The following CRPPA variants were observed in gnomAD, a reference collection of about 807,000 sequenced individuals.
CRPPA encodes the protein CDP-L-ribitol pyrophosphorylase A.
Under a neutral mutation model 52.0 loss-of-function variants are expected in CRPPA, and 43 were observed. The observed-to-expected ratio is 0.83, with a 90% CI of 0.65 to 1.07. The LOEUF is 1.07. CRPPA is among the 50% of genes least tolerant of loss of function. CRPPA has a pLI of 0.00. For synonymous variants in CRPPA, 250 were observed against 203.5 expected, an observed-to-expected ratio of 1.23 and a Z score of -1.94; for missense variants, 629 against 551.7, an observed-to-expected ratio of 1.14 and a Z score of -1.40.
At chr7:16,256,471 T>C (rs1305418736) in intron 8 of CRPPA, among the ~76,000 whole-genome samples, 1 of 152,156 alleles carries the variant, frequency 6.6e-6, no homozygotes, top group Non-Finnish European at 1.5e-5. Context: ...CACGTATGTT[T>C]ATTGCAGCTC....
At chr7:16,283,789 T>C (rs1340094354) in intron 5 of CRPPA, among the ~76,000 whole-genome samples, 1 of 151,936 alleles carries the variant, frequency 6.6e-6, no homozygotes, top group Non-Finnish European at 1.5e-5. Context: ...AATACTACTC[T>C]TATCTGCATG....
At chr7:16,309,240 G>C (rs950989849) in intron 3 of CRPPA, among the ~76,000 whole-genome samples, 2 of 152,124 alleles carry the variant, frequency 1.3e-5, no homozygotes. Flanking sequence ...AAATAACCAA[G>C]TAATAATACA....
rs181176630 is a variant in CRPPA, at chr7:16,416,489, C to T, written c.257+4577G>A. Among the ~76,000 whole-genome samples the T allele has an allele frequency of 3.7e-3, 564 of 152,200 alleles. 3 individuals are homozygous for T. Among genetic ancestry groups the T allele is most frequent in the African/African-American group, 0.013 (548 of 41,518 alleles). ...GAATTTCTGACTAAGTCCTCAAAAG[C>T]AATTCCAACAAAAACAAAAATTGAC... On this transcript the variant is annotated intron_variant, in intron 1 of 9. Transcript: ENST00000407010.
intron 8 of CRPPA, among the ~76,000 whole-genome samples, chr7:16,228,178 A>G (rs940883845): frequency 2.0e-5 from 3 of 151,826 alleles, no homozygotes; most frequent in African/African-American, 4.8e-5. Context: ...GATTCCCTCC[A>G]GCTTTGTTCT....
chr7:16,369,029 C>T (rs1786680537), intron 3 of CRPPA, among the ~76,000 whole-genome samples: 1 of 152,046 alleles, frequency 6.6e-6, no homozygotes, highest in South Asian at 2.1e-4. Flanking sequence ...TAATCCATGC[C>T]ATAAACTCTT....
At chr7:16,228,281 A>T in intron 8 of CRPPA, among the ~76,000 whole-genome samples, 1 of 151,820 alleles carries the variant, frequency 6.6e-6, no homozygotes, top group African/African-American at 2.4e-5. Flanking sequence ...AGTTTCGTAG[A>T]TCTATTCTAC....
chr7:16,319,168 T>A (rs1191037249), intron 3 of CRPPA, among the ~76,000 whole-genome samples: 2 of 152,216 alleles, frequency 1.3e-5, no homozygotes, highest in East Asian at 3.9e-4. Context: ...TCTGTTGCCC[T>A]GGAATTATAG....
intron 9 of CRPPA, among the ~76,000 whole-genome samples, chr7:16,164,695 GTGGTCA>G (rs1385915109): frequency 6.6e-6 from 1 of 152,142 alleles, no homozygotes; most frequent in Non-Finnish European, 1.5e-5. Context: ...GGGTTTTTGT[GTGGTCA>G]TCCTTTCTGT....
intron 3 of CRPPA, among the ~76,000 whole-genome samples, chr7:16,337,158 A>G (rs1484408890): frequency 6.6e-6 from 1 of 152,162 alleles, no homozygotes; most frequent in Non-Finnish European, 1.5e-5. Context: ...ATTCGGTCCA[A>G]CGGCAGAATA....
At chr7:16,266,608 A>C (rs1440766687) in intron 6 of CRPPA, among the ~76,000 whole-genome samples, 1 of 151,738 alleles carries the variant, frequency 6.6e-6, no homozygotes, top group African/African-American at 2.4e-5. Context: ...CCTACCAAGT[A>C]GCTGGGATTA....
intron 8 of CRPPA, among the ~76,000 whole-genome samples, chr7:16,229,256 GA>G (rs1167548314): frequency 6.6e-6 from 1 of 151,832 alleles, no homozygotes; most frequent in Non-Finnish European, 1.5e-5. Flanking sequence ...CTTTTGATTG[GA>G]AAAATATACT....
intron 2 of CRPPA, among the ~76,000 whole-genome samples, chr7:16,396,143 A>G (rs1446800296): frequency 2.6e-5 from 4 of 152,230 alleles, no homozygotes; most frequent in Non-Finnish European, 5.9e-5. Context: ...ATGGTATCCA[A>G]TAAGCCAGGA....
At chr7:16,377,357 G>A (rs939523747) in intron 2 of CRPPA, among the ~76,000 whole-genome samples, 1 of 152,188 alleles carries the variant, frequency 6.6e-6, no homozygotes, top group Non-Finnish European at 1.5e-5. Flanking sequence ...AGTAGAGCTA[G>A]AAGATAAGAC....
chr7:16,134,899 C>T (rs1782736810), intron 9 of CRPPA, among the ~76,000 whole-genome samples: 1 of 152,128 alleles, frequency 6.6e-6, no homozygotes, highest in South Asian at 2.1e-4. Flanking sequence ...TAAGTGAATA[C>T]TATGTAATTT....
At chr7:16,124,756 T>C (rs1038151041) in intron 9 of CRPPA, among the ~76,000 whole-genome samples, 1 of 152,200 alleles carries the variant, frequency 6.6e-6, no homozygotes, top group Non-Finnish European at 1.5e-5. Context: ...TTTGAAGTGC[T>C]GGATATGCTA....
At chr7:16,397,271 T>C (rs562848601) in intron 2 of CRPPA, among the ~76,000 whole-genome samples, 5 of 151,876 alleles carry the variant, frequency 3.3e-5, no homozygotes. Flanking sequence ...CAACACAACA[T>C]GAGGGTGACA....
chr7:16,415,324 G>A (rs761584484), intron 1 of CRPPA, among the ~76,000 whole-genome samples: 20 of 152,306 alleles, frequency 1.3e-4, no homozygotes, highest in Non-Finnish European at 2.5e-4. Context: ...CTGAAAAGCA[G>A]AAAACTTCCT....
chr7:16,399,605 T>C (rs1427330617), intron 2 of CRPPA, among the ~76,000 whole-genome samples: 1 of 152,068 alleles, frequency 6.6e-6, no homozygotes, highest in East Asian at 1.9e-4. Context: ...GATTGGCATG[T>C]GTCCAACACG....
chr7:16,396,546 C>T (rs1787576489), intron 2 of CRPPA, among the ~76,000 whole-genome samples: 1 of 152,182 alleles, frequency 6.6e-6, no homozygotes, highest in Non-Finnish European at 1.5e-5. Context: ...GTAGAACTAC[C>T]ATTTGATCCA....
Sources: allele counts gnomAD v4.1 joint callset (sites outside exome capture counted in the v4.1 genomes callset), GRCh38; gene constraint gnomAD v4.1.1; transcripts MANE v1.5; gene names NCBI Gene and HGNC (gene_info 2026-07-23, HGNC 2026-07-21).